FANCA: variants seen among roughly 807,000 people sequenced by gnomAD.
FANCA encodes the protein Fanconi anemia group A protein.
FANCA carries 236 observed loss-of-function variants against 194.3 expected under a neutral mutation model. That is an observed-to-expected ratio of 1.21 (90% confidence interval 1.09 to 1.35). The LOEUF is 1.35. FANCA is among the 40% of genes most tolerant of loss of function. The pLI is 0.00. For synonymous variants in FANCA, 1,014 were observed against 715.8 expected, an observed-to-expected ratio of 1.42 and a Z score of -6.65; for missense variants, 2,628 against 1,813.9, an observed-to-expected ratio of 1.45 and a Z score of -8.15.
chr16:89,803,448 G>A (rs1444425876), intron 7 of FANCA, 107 bp from the exon 8 acceptor site: 6 of 1,018,364 alleles, frequency 5.9e-6, no homozygotes, highest in Admixed American at 1.7e-5. Context: ...TATGGCTTGG[G>A]CCCACCAGGA....
rs143491667 is a variant in FANCA, at chr16:89,743,621, C to G, written c.3627-683G>C. 2.1e-3 allele frequency among the ~76,000 whole-genome samples: 319 copies of G among 152,010 alleles called. 2 individuals carry two copies. The highest frequency in any genetic ancestry group is 7.1e-3 in the African/African-American group (295 of 41,464). On this transcript the variant is annotated intron_variant, in intron 36 of 42. Transcript: ENST00000389301. ...GGCAGATCACCTGAGGTCGGGAGTT[C>G]GAGACCAGCCTGACCAACGTGGAGA... is the stretch of plus-strand genomic sequence containing the variant.
chr16:89,750,920 C>T (rs1029047354), intron 31 of FANCA, among the ~76,000 whole-genome samples: 8 of 152,188 alleles, frequency 5.3e-5, no homozygotes, highest in African/African-American at 1.9e-4. Context: ...TTAGGACAGT[C>T]TCAGTCCGGT....
chr16:89,775,647 C>CGA, intron 21 of FANCA, 95 bp downstream of exon 21: 4 of 1,033,126 alleles, frequency 3.9e-6, no homozygotes, highest in Non-Finnish European at 5.9e-6. Context: ...CAGCCACCCC[C>CGA]GAGCTCACTC....
intron 6 of FANCA, among the ~76,000 whole-genome samples, chr16:89,808,012 C>T (rs187195635): frequency 1.3e-5 from 2 of 151,914 alleles, no homozygotes; most frequent in East Asian, 1.9e-4. Flanking sequence ...GAGCTGAAAT[C>T]GTGCCACTGC....
At position 89,738,332 on chromosome 16, in the gene FANCA, A is replaced by C. The variant is rs1372523018; in HGVS notation, c.*269T>G. On this transcript the variant is annotated 3_prime_UTR_variant, in exon 43 of 43. Transcript: ENST00000389301. ...CACCCTTCGTGTGCACCCGCATGGG[A>C]GGGTCGGAGGGTGCTGCCCGCCCTT... 7 of 1,497,794 alleles carry C rather than the reference A, an allele frequency of 4.7e-6. No homozygotes were observed. The highest frequency in any genetic ancestry group is 6.2e-6 in the Non-Finnish European group (7 of 1,123,590). 92.8% of individuals were successfully genotyped at this position (1,497,794 alleles called of 1,614,324 possible). A position where few individuals can be genotyped will look rare whatever the true frequency, so the allele number is the denominator to read the frequency against.
At chr16:89,781,329 A>G (rs1245296553) in intron 17 of FANCA, among the ~76,000 whole-genome samples, 2 of 131,964 alleles carry the variant, frequency 1.5e-5, no homozygotes, top group East Asian at 2.3e-4. Flanking sequence ...GCGCCACTGC[A>G]CTCCAGCCTG....
rs866158960 is a variant in FANCA at position 89,783,254 on chromosome 16, T to C, written c.1471-152A>G. 4.7e-5 allele frequency: 33 copies of C among 708,402 alleles called. No individual in the cohort carries two copies. In the Middle Eastern group the frequency reaches 9.0e-3, roughly 193 times the overall value. 43.9% of individuals were successfully genotyped at this position (708,402 alleles called of 1,614,324 possible). A position where few individuals can be genotyped will look rare whatever the true frequency, so the allele number is the denominator to read the frequency against. On this transcript the variant is annotated intron_variant, in intron 15 of 42. Transcript: ENST00000389301. ...ATGAGTATGCAAAGCAAACCATTAG[T>C]AAAATTAAAACACAAGCCGGGCGCA...
rs1299703809 is a variant in FANCA at position 89,769,983 on chromosome 16, G to A, written c.2358C>T (p.Ala786=). ...TGGACTCACCCAGGTGCACGGCCAG[G>A]GCAGCCAACCCCAGCACATGTGGGG... ...LSAPHVLGLA[A]LAVHLGESRS... is the part of the protein sequence containing the mutation. Residue 786 remains alanine (A), a synonymous_variant, in exon 26 of 43, where the codon GCC becomes GCT. Coordinates refer to ENST00000389301, the MANE Select transcript of FANCA (RefSeq NM_000135.4). The A allele has an allele frequency of 1.2e-6, 2 of 1,613,936 alleles. No individual in the cohort carries two copies. The highest frequency in any genetic ancestry group is 1.7e-6 in the Non-Finnish European group (2 of 1,180,028).
chr16:89,792,266 C>G (rs1476023792), intron 12 of FANCA, among the ~76,000 whole-genome samples, 198 bp from the exon 13 acceptor site: 1 of 152,168 alleles, frequency 6.6e-6, no homozygotes, highest in Admixed American at 6.5e-5. Context: ...AGAATTCTCC[C>G]TATCTCAAGG....
intron 30 of FANCA, among the ~76,000 whole-genome samples, chr16:89,756,557 C>A (rs191957797): frequency 2.0e-5 from 3 of 152,152 alleles, no homozygotes; most frequent in Non-Finnish European, 4.4e-5. Context: ...CCCAGGAGGT[C>A]GAGGCTGCAG....
chr16:89,761,694 A>G (rs2038959687), intron 29 of FANCA, among the ~76,000 whole-genome samples: 1 of 152,074 alleles, frequency 6.6e-6, no homozygotes, highest in Non-Finnish European at 1.5e-5. Flanking sequence ...GTGTGATCTC[A>G]GCTCGCTGCA....
intron 5 of FANCA, chr16:89,810,434 C>T (rs1161619980): frequency 4.9e-6 from 2 of 406,138 alleles, no homozygotes; most frequent in East Asian, 4.9e-5. Flanking sequence ...GGAAAATTCT[C>T]CATACTAATA....
intron 9 of FANCA, 72 bp downstream of exon 9, chr16:89,799,533 C>G (rs1176299386): frequency 5.0e-6 from 7 of 1,397,970 alleles, no homozygotes; most frequent in Non-Finnish European, 7.1e-6. Flanking sequence ...AATGGAAAGG[C>G]AGAAAACTGA....
At chr16:89,811,666 C>G (rs1285713227) in intron 3 of FANCA, among the ~76,000 whole-genome samples, 1 of 152,138 alleles carries the variant, frequency 6.6e-6, no homozygotes, top group East Asian at 1.9e-4. Context: ...AAACGGTGGG[C>G]AACCTGGAAG....
intron 18 of FANCA, 75 bp downstream of exon 18, chr16:89,779,794 G>C: frequency 8.1e-7 from 1 of 1,238,446 alleles, no homozygotes; most frequent in Admixed American, 1.7e-5. Context: ...AGCAGAGTCT[G>C]CACATACTGC....
At chr16:89,756,091 A>G (rs924024684) in intron 30 of FANCA, among the ~76,000 whole-genome samples, 28 of 152,244 alleles carry the variant, frequency 1.8e-4, no homozygotes, top group African/African-American at 6.8e-4. Flanking sequence ...TTTAAAAAAA[A>G]GGTACAAAAA....
At chr16:89,777,533 G>A (rs1303500263) in intron 20 of FANCA, among the ~76,000 whole-genome samples, 3 of 151,020 alleles carry the variant, frequency 2.0e-5, no homozygotes, top group Admixed American at 1.3e-4. Flanking sequence ...AGACCAGTCT[G>A]GCCAACATAG....
At chr16:89,802,964 T>C (rs555858741) in intron 8 of FANCA, among the ~76,000 whole-genome samples, 1 of 152,046 alleles carries the variant, frequency 6.6e-6, no homozygotes, top group Non-Finnish European at 1.5e-5. Context: ...AAGAAGTAAG[T>C]TCTAATGTTC....
At chr16:89,779,181 G>A (rs1474867536) in intron 18 of FANCA, among the ~76,000 whole-genome samples, 178 bp from the exon 19 acceptor site, 3 of 152,130 alleles carry the variant, frequency 2.0e-5, no homozygotes, top group Non-Finnish European at 2.9e-5. Context: ...GGCCGTGCTA[G>A]CCCAGCCCTG....
Sources: gnomAD v4.1 joint callset for allele counts (sites outside exome capture counted in the v4.1 genomes callset) on GRCh38, gnomAD v4.1.1 for gene constraint, MANE v1.5 for transcripts, NCBI Gene and HGNC (gene_info 2026-07-23, HGNC 2026-07-21) for gene names.